Variants in OR6C75 observed in about 807,000 individuals in gnomAD.
The protein encoded by OR6C75 is olfactory receptor family 6 subfamily C member 75, also known as olfactory receptor 6C75.
For missense variants in OR6C75, 380 were observed against 368.0 expected, an observed-to-expected ratio of 1.03 and a Z score of -0.27; for synonymous variants, 149 against 130.6, an observed-to-expected ratio of 1.14 and a Z score of -0.96.
At chr12:55,364,312 CTTTTTTTTTTTTTT>C (rs59247539) in intron 2 of OR6C75, among the ~76,000 whole-genome samples, 7 of 17,176 alleles carry the variant, frequency 4.1e-4, no homozygotes, top group Admixed American at 2.5e-3. Context: ...GTTTCTTTTC[CTTTTTTTTTTTTTT>C]TTTTTTTTTT....
Position 55,366,181 on chromosome 12 carries a change from T to C in OR6C75, c.*132T>C. On this transcript the variant is annotated 3_prime_UTR_variant, in exon 3 of 3. Transcript: ENST00000641576. Reference sequence around the variant, plus strand: ...AGACATAGTTACATATCATCAACACTTCTTAATGAAATTAGCCTAAAAACC... The same window carrying C: ...AGACATAGTTACATATCATCAACACCTCTTAATGAAATTAGCCTAAAAACC... 1.7e-6 allele frequency: 1 copy of C among 588,292 alleles called. No homozygotes were observed. The highest frequency in any genetic ancestry group is 2.9e-5 in the East Asian group (1 of 34,654). The allele number at this position is 588,292 out of a possible 1,614,324, so 36.4% of individuals were successfully genotyped here.
In OR6C75 at chr12:55,365,701, A is replaced by T. The variant is rs560585573; in HGVS notation, c.591A>T (p.Ala197=). 1.2e-6 allele frequency: 2 copies of T among 1,613,154 alleles called. No individual in the cohort carries two copies. The highest frequency in any genetic ancestry group is 8.5e-7 in the Non-Finnish European group (1 of 1,179,448). Residue 197 remains alanine (A), a synonymous_variant, in exon 3 of 3, where the codon GCA becomes GCT. Transcript: ENST00000641576. ...ACACTCACTTTCTAGAACTCATGGCATTTTTTTTAGCTGTGGTAACACTGA... is the reference window on the plus strand; with the variant it reads ...ACACTCACTTTCTAGAACTCATGGCTTTTTTTTTAGCTGTGGTAACACTGA... ...CTNTHFLELM[A]FFLAVVTLMV...
At position 55,364,312 on chromosome 12, in the gene OR6C75, CTTTTTTTTT is replaced by C. The variant is rs59247539; in HGVS notation, c.-236+452_-236+460del. ...TTTTTTTTACATTTAGTTTCTTTTC[CTTTTTTTTT>C]TTTTTTTTTTTTTTTTTTTTTGACA... is the stretch of plus-strand genomic sequence containing the variant. On this transcript the variant is annotated intron_variant, in intron 2 of 2. Transcript: ENST00000641576. Among the ~76,000 whole-genome samples, 60 of 17,172 alleles carry C rather than the reference CTTTTTTTTT, an allele frequency of 3.5e-3. No homozygotes were observed. The East Asian group carries it at 0.048, about 14-fold the overall frequency. 11.3% of individuals were successfully genotyped at this position (17,172 alleles called of 152,430 possible). A position where few individuals can be genotyped will look rare whatever the true frequency, so the allele number is the denominator to read the frequency against.
Position 55,366,076 on chromosome 12 carries a change from C to A in OR6C75, c.*27C>A. 1 of 1,385,948 alleles carries A rather than the reference C, an allele frequency of 7.2e-7. No individual in the cohort carries two copies. Among genetic ancestry groups the A allele is most frequent in the Non-Finnish European group, 9.8e-7 (1 of 1,016,942 alleles). The allele number at this position is 1,385,948 out of a possible 1,614,324, so 85.9% of individuals were successfully genotyped here. ...TGTGATTATGTAAAAAATGTACCCC[C>A]AAAGGCAAAGCTGAATGAAAAACTC... On this transcript the variant is annotated 3_prime_UTR_variant, in exon 3 of 3. Coordinates refer to ENST00000641576, the MANE Select transcript of OR6C75 (RefSeq NM_001005497.2).
At position 55,365,137 on chromosome 12, in the gene OR6C75, C is replaced by CT. The variant is rs766454473; in HGVS notation, c.30dup (p.Ile11TyrfsTer8). The CT allele has an allele frequency of 2.5e-6, 4 of 1,611,768 alleles. No individual in the cohort carries two copies. On this transcript the variant is annotated frameshift_variant, in exon 3 of 3. Transcript: ENST00000641576. LOFTEE classifies it low-confidence loss of function (END_TRUNC). ...TGAGAAATTCCACAGCAGTAACAGA[C>CT]TTTATTCTTCTTGGATTGACAAGTG...
rs534056728 is a variant in OR6C75 at position 55,369,065 on chromosome 12, A to G, written c.*3016A>G. ...TGAAAATCAGGAGTGTGGAAACAAC[A>G]TGCAAACGTTAACTAAGTGAAGATA... On this transcript the variant is annotated 3_prime_UTR_variant, in exon 3 of 3. Transcript: ENST00000641576. 1.3e-5 allele frequency: 2 copies of G among 152,204 alleles called. No homozygotes were observed. The highest frequency in any genetic ancestry group is 3.9e-4 in the East Asian group (2 of 5,188). 9.4% of individuals were successfully genotyped at this position (152,204 alleles called of 1,614,324 possible).
intron 2 of OR6C75, among the ~76,000 whole-genome samples, chr12:55,364,502 T>A (rs1284175263): frequency 1.3e-5 from 2 of 150,090 alleles, no homozygotes; most frequent in Non-Finnish European, 3.0e-5. Flanking sequence ...ATTGTTTGTA[T>A]TTTTAGTAGA....
chr12:55,364,278 T>A (rs1417037568), intron 2 of OR6C75, among the ~76,000 whole-genome samples: 15 of 145,786 alleles, frequency 1.0e-4, no homozygotes, highest in Non-Finnish European at 3.0e-5. Flanking sequence ...GTGTCCTGCC[T>A]AAAGTTAATT....
Position 55,365,701 on chromosome 12 carries a change from A to C in OR6C75, c.591A>C (p.Ala197=), listed in dbSNP as rs560585573. The C allele has an allele frequency of 1.2e-6, 2 of 1,613,270 alleles. No individual in the cohort carries two copies. Among genetic ancestry groups the C allele is most frequent in the Admixed American group, 1.7e-5 (1 of 59,956 alleles). ...CTNTHFLELM[A]FFLAVVTLMV... is the part of the protein sequence containing the mutation. Reference sequence around the variant, plus strand: ...ACACTCACTTTCTAGAACTCATGGCATTTTTTTTAGCTGTGGTAACACTGA... The same window carrying C: ...ACACTCACTTTCTAGAACTCATGGCCTTTTTTTTAGCTGTGGTAACACTGA... The change falls in exon 3 of 3, where the codon GCA becomes GCC. Residue 197 remains alanine (A), a synonymous_variant. Transcript: ENST00000641576.
At chr12:55,363,600 C>CT (rs895296602) in intron 1 of OR6C75, among the ~76,000 whole-genome samples, 193 bp from the exon 2 acceptor site, 1 of 151,884 alleles carries the variant, frequency 6.6e-6, no homozygotes, top group Non-Finnish European at 1.5e-5. Flanking sequence ...GAGATGCTCT[C>CT]TTTTTTTCTT....
At position 55,366,854 on chromosome 12, in the gene OR6C75, G is replaced by C. The variant is rs1206161206; in HGVS notation, c.*805G>C. On this transcript the variant is annotated 3_prime_UTR_variant, in exon 3 of 3. Coordinates refer to ENST00000641576, the MANE Select transcript of OR6C75 (RefSeq NM_001005497.2). ...CTTTGATAATATTTCCTTAAAAATA[G>C]ATTATTTAACAGAGAACTTTTCTGT... is the stretch of plus-strand genomic sequence containing the variant. 3 of 151,970 alleles carry C rather than the reference G, an allele frequency of 2.0e-5. No homozygotes were observed. Among genetic ancestry groups the C allele is most frequent in the Non-Finnish European group, 4.4e-5 (3 of 67,964 alleles). 9.4% of individuals were successfully genotyped at this position (151,970 alleles called of 1,614,324 possible).
rs752393879 is a variant in OR6C75 at position 55,363,900 on chromosome 12, A to T, written c.-236+18A>T. The T allele has an allele frequency of 3.9e-5, 6 of 152,150 alleles. No individual in the cohort carries two copies. The highest frequency in any genetic ancestry group is 1.2e-4 in the African/African-American group (5 of 41,454). 9.4% of individuals were successfully genotyped at this position (152,150 alleles called of 1,614,324 possible). A position where few individuals can be genotyped will look rare whatever the true frequency, so the allele number is the denominator to read the frequency against. ...TTTATAAGGTAACAACAGAATTTTT[A>T]AAATGTATTTGGTATCTATGTACTA... On this transcript the variant is annotated intron_variant, in intron 2 of 2. Coordinates refer to ENST00000641576, the MANE Select transcript of OR6C75 (RefSeq NM_001005497.2).
rs7302469 is a variant in OR6C75 at position 55,363,025 on chromosome 12, G to A, written c.-350G>A. On this transcript the variant is annotated 5_prime_UTR_variant, in exon 1 of 3. Transcript: ENST00000641576. ...CATTTCAACTAAAATTTGTATCAAG[G>A]TAATACTTTTTAAAGCGGCGATAGG... is the stretch of plus-strand genomic sequence containing the variant. 124,416 of 152,170 alleles carry A rather than the reference G, an allele frequency of 0.82. 51,136 individuals carry two copies. Among genetic ancestry groups the A allele is most frequent in the South Asian group, 0.93 (4,483 of 4,828 alleles). The allele number at this position is 152,170 out of a possible 1,614,324, so 9.4% of individuals were successfully genotyped here. A position where few individuals can be genotyped will look rare whatever the true frequency, so the allele number is the denominator to read the frequency against.
Position 55,365,855 on chromosome 12 carries a change from T to C in OR6C75, c.745T>C (p.Ser249Pro). ...CSSHMIVVSI[S>P]YSSCIFMYIK... is the part of the protein sequence containing the mutation. Reference sequence around the variant, plus strand: ...CTCCCATATGATAGTTGTCTCCATCTCTTACAGTAGCTGTATCTTCATGTA... The same window carrying C: ...CTCCCATATGATAGTTGTCTCCATCCCTTACAGTAGCTGTATCTTCATGTA... Residue 249 changes from serine to proline, a missense_variant, in exon 3 of 3, where the codon TCT (serine) becomes CCT (proline). Physicochemically the swap from Ser to Pro is moderately conservative, Grantham distance 74 (BLOSUM62 -1). Transcript: ENST00000641576. 6.2e-7 allele frequency: 1 copy of C among 1,613,888 alleles called. No homozygotes were observed. Among genetic ancestry groups the C allele is most frequent in the Non-Finnish European group, 8.5e-7 (1 of 1,179,988 alleles).
chr12:55,364,911 T>C lies in OR6C75; in HGVS notation c.-200T>C. On this transcript the variant is annotated 5_prime_UTR_variant, in exon 3 of 3. It removes an upstream start codon present in the reference 5' UTR. Coordinates refer to ENST00000641576, the MANE Select transcript of OR6C75 (RefSeq NM_001005497.2). ...CAGCGGATAGCTAGACACAATGGAA[T>C]GTTATCCAGCCTCATAAAAGAAGGA... 1.8e-6 allele frequency: 1 copy of C among 562,030 alleles called. No individual in the cohort carries two copies. Among genetic ancestry groups the C allele is most frequent in the Non-Finnish European group, 3.1e-6 (1 of 322,514 alleles). 34.8% of individuals were successfully genotyped at this position (562,030 alleles called of 1,614,324 possible). A position where few individuals can be genotyped will look rare whatever the true frequency, so the allele number is the denominator to read the frequency against.
chr12:55,365,427 G>T lies in OR6C75; in HGVS notation c.317G>T (p.Gly106Val). Residue 106 changes from glycine (G) to valine (V), a missense_variant, in exon 3 of 3, where the codon GGG becomes GTG. By Grantham distance (109) the Gly-to-Val change is moderately radical. Coordinates refer to ENST00000641576, the MANE Select transcript of OR6C75 (RefSeq NM_001005497.2). The part of the protein sequence containing the change: ...VAQLFFFIFL[G>V]VTEFYLLAAM... ...CAGCTATTTTTTTTCATCTTCTTGG[G>T]GGTGACAGAATTTTACCTTCTGGCT... The T allele has an allele frequency of 6.2e-7, 1 of 1,613,850 alleles. No homozygotes were observed. Among genetic ancestry groups the T allele is most frequent in the Non-Finnish European group, 8.5e-7 (1 of 1,179,952 alleles).
chr12:55,367,780 C>T lies in OR6C75; in HGVS notation c.*1731C>T, dbSNP rs149644221. On this transcript the variant is annotated 3_prime_UTR_variant, in exon 3 of 3. Transcript: ENST00000641576. ...AAGGTTCCTCCAAAAAACTCCTAGG[C>T]CTGATAAACTACTTGAGTAAAGTTT... 2.0e-5 allele frequency: 3 copies of T among 152,246 alleles called. No individual in the cohort carries two copies. The highest frequency in any genetic ancestry group is 4.4e-5 in the Non-Finnish European group (3 of 68,028). 9.4% of individuals were successfully genotyped at this position (152,246 alleles called of 1,614,324 possible).
Position 55,364,878 on chromosome 12 carries a change from A to C in OR6C75, c.-233A>C. On this transcript the variant is annotated splice_region_variant and 5_prime_UTR_variant, in exon 3 of 3. Transcript: ENST00000641576. ...ATATATATATATGTATTAAATAGAT[A>C]GATGCATCAGCGGATAGCTAGACAC... 1 of 503,016 alleles carries C rather than the reference A, an allele frequency of 2.0e-6. No homozygotes were observed. Among genetic ancestry groups the C allele is most frequent in the South Asian group, 2.8e-5 (1 of 35,476 alleles). 31.2% of individuals were successfully genotyped at this position (503,016 alleles called of 1,614,324 possible). A position where few individuals can be genotyped will look rare whatever the true frequency, so the allele number is the denominator to read the frequency against.
chr12:55,365,288 T>C lies in OR6C75; in HGVS notation c.178T>C (p.Phe60Leu). Residue 60 changes from phenylalanine to leucine, a missense_variant, in exon 3 of 3, where the codon TTC (phenylalanine) becomes CTC (leucine). By Grantham distance (22) the Phe-to-Leu change is conservative. Transcript: ENST00000641576. ...CCATCTGCAGACTCCCATGTATTTC[T>C]TCCTTCGGAACTTCTCATTCCTGGA... ...DPHLQTPMYF[F>L]LRNFSFLEIS... is the part of the protein sequence containing the mutation. 1 of 1,613,944 alleles carries C rather than the reference T, an allele frequency of 6.2e-7. No individual in the cohort carries two copies.
Sources: allele counts gnomAD v4.1 joint callset (sites outside exome capture counted in the v4.1 genomes callset), GRCh38; gene constraint gnomAD v4.1.1; transcripts MANE v1.5; gene names NCBI Gene and HGNC (gene_info 2026-07-23, HGNC 2026-07-21).